The following PSD2 variants were observed in gnomAD, a reference collection of about 807,000 sequenced individuals.
PSD2 encodes PH and SEC7 domain-containing protein 2.
PSD2 carries 38 observed loss-of-function variants against 69.8 expected under a neutral mutation model. The ratio of observed to expected loss-of-function variants is 0.54; its 90% confidence interval spans 0.42 to 0.71. The LOEUF is 0.71. PSD2 is among the 30% of genes least tolerant of loss of function. The pLI, the probability that PSD2 is intolerant of heterozygous loss-of-function variation, is 0.00. For synonymous variants in PSD2, 412 were observed against 423.0 expected (o/e 0.97, Z 0.32); for missense variants, 943 against 1,014.5 (o/e 0.93, Z 0.96).
chr5:139,835,842 A>G (rs1467986944), intron 9 of PSD2, 76 bp downstream of exon 9: 2 of 1,387,894 alleles, frequency 1.4e-6, no homozygotes, highest in Admixed American at 3.4e-5. Flanking sequence ...CAGGTCCGAC[A>G]TTCTGACCAC....
intron 1 of PSD2, among the ~76,000 whole-genome samples, chr5:139,800,390 C>T (rs931275287): frequency 6.6e-5 from 10 of 152,214 alleles, no homozygotes; most frequent in African/African-American, 2.2e-4. Flanking sequence ...CTGAAGTTGT[C>T]GCCTCTCCCA....
At chr5:139,787,607 G>A in the PSD2 span, among the ~76,000 whole-genome samples, 2 of 152,188 alleles carry the variant, frequency 1.3e-5, no homozygotes, top group African/African-American at 4.8e-5. Context: ...GGTGCCGCGG[G>A]TGCAGTTTCC....
the PSD2 span, among the ~76,000 whole-genome samples, chr5:139,754,117 T>C: frequency 2.6e-5 from 4 of 151,328 alleles, no homozygotes; most frequent in South Asian, 8.6e-4. Flanking sequence ...ATTACAGGCA[T>C]GAGCCACTGC....
At chr5:139,789,863 T>C in the PSD2 span, among the ~76,000 whole-genome samples, 13 of 150,458 alleles carry the variant, frequency 8.6e-5, no homozygotes, top group Non-Finnish European at 1.9e-4. Flanking sequence ...GAGATGTGGA[T>C]GAAGGAGGGG....
At chr5:139,767,504 G>A in the PSD2 span, among the ~76,000 whole-genome samples, 5 of 151,756 alleles carry the variant, frequency 3.3e-5, no homozygotes, top group East Asian at 1.9e-4. Context: ...TAGTAGAGAC[G>A]GGGTTTCCCC....
intron 7 of PSD2, among the ~76,000 whole-genome samples, chr5:139,831,391 G>A (rs764481036): frequency 2.0e-5 from 3 of 152,050 alleles, no homozygotes; most frequent in Non-Finnish European, 4.4e-5. Flanking sequence ...AACATTTAAT[G>A]AATTATGATA....
chr5:139,825,533 G>A (rs1271598124), intron 7 of PSD2, among the ~76,000 whole-genome samples: 1 of 152,174 alleles, frequency 6.6e-6, no homozygotes, highest in Non-Finnish European at 1.5e-5. Context: ...GGTAGCGTGG[G>A]TAGAAGGGAC....
At chr5:139,774,127 G>T in the PSD2 span, among the ~76,000 whole-genome samples, 5 of 148,538 alleles carry the variant, frequency 3.4e-5, no homozygotes, top group Non-Finnish European at 7.5e-5. Context: ...ACTCGGTCTC[G>T]TTTTTTTTTT....
At chr5:139,766,930 CTTCT>C in the PSD2 span, among the ~76,000 whole-genome samples, 1,470 of 43,850 alleles carry the variant, frequency 0.034, 23 homozygotes, top group Middle Eastern at 0.06. Context: ...CCTTCCTTCC[CTTCT>C]TTCTTTCTTT....
At position 139,813,393 on chromosome 5, in the gene PSD2, C is replaced by T. The variant is rs1435897191; in HGVS notation, c.456C>T (p.Gly152=). 1.2e-6 allele frequency: 2 copies of T among 1,608,466 alleles called. No individual in the cohort carries two copies. Among genetic ancestry groups the T allele is most frequent in the Admixed American group, 3.3e-5 (2 of 59,860 alleles). ...EKILESELLR[G]TQYSSLDSLD... is the part of the protein sequence containing the mutation. ...TTCTGGAGTCAGAGCTGCTGCGGGG[C>T]ACCCAGTACAGCAGCCTCGACTCCC... The change falls in exon 3 of 15, where the codon GGC becomes GGT. Residue 152 remains glycine (G), a synonymous_variant. Transcript: ENST00000274710.
At chr5:139,792,932 TC>T (rs1759445702), upstream of PSD2, among the ~76,000 whole-genome samples, 1 of 150,670 alleles carries the variant, frequency 6.6e-6, no homozygotes, top group Non-Finnish European at 1.5e-5. Flanking sequence ...TTTCTTTCTT[TC>T]TTTCTGTCTT....
At chr5:139,803,348 GTGC>G (rs1352273900) in intron 1 of PSD2, among the ~76,000 whole-genome samples, 1 of 152,250 alleles carries the variant, frequency 6.6e-6, no homozygotes, top group Admixed American at 6.5e-5. Flanking sequence ...TGAGTGGCCT[GTGC>G]TGTGTGCTGC....
At chr5:139,759,852 C>G in the PSD2 span, among the ~76,000 whole-genome samples, 1 of 152,254 alleles carries the variant, frequency 6.6e-6, no homozygotes, top group Non-Finnish European at 1.5e-5. Context: ...TCAAGCCTGT[C>G]AGCCCTGCTG....
the PSD2 span, among the ~76,000 whole-genome samples, chr5:139,759,409 G>C: frequency 0.87 from 132,716 of 151,858 alleles, 58,217 homozygotes; most frequent in South Asian, 0.93. Context: ...TGCTGCCCCC[G>C]ATCGCGGTCA....
chr5:139,747,698 C>G, the PSD2 span, among the ~76,000 whole-genome samples: 1 of 152,232 alleles, frequency 6.6e-6, no homozygotes, highest in African/African-American at 2.4e-5. This position sits in a 1 kb window ranked among gnomAD's most constrained non-coding sequence, Gnocchi z 6.7. Flanking sequence ...GGCCTCACGC[C>G]GTCAGACCCA....
At chr5:139,789,939 T>C in the PSD2 span, among the ~76,000 whole-genome samples, 3 of 142,036 alleles carry the variant, frequency 2.1e-5, no homozygotes, top group Admixed American at 2.1e-4. Flanking sequence ...AAGTGAGGGG[T>C]GGGCGGTGCG....
At chr5:139,748,488 C>T in the PSD2 span, among the ~76,000 whole-genome samples, 1 of 152,222 alleles carries the variant, frequency 6.6e-6, no homozygotes, top group African/African-American at 2.4e-5. Flanking sequence ...CCACCACTAC[C>T]ACCCCCAAAC....
the PSD2 span, among the ~76,000 whole-genome samples, chr5:139,775,126 A>G: frequency 6.6e-6 from 1 of 152,230 alleles, no homozygotes; most frequent in South Asian, 2.1e-4. Context: ...AGGTGAGGCT[A>G]GACTCCAAGA....
rs1760923443 is a variant in PSD2 at position 139,843,342 on chromosome 5, T to A, written c.*868T>A. ...TCCCTCTTCCAGCTGACCTGTGACT[T>A]ATACTGCTCTTACCGATGATACTTT... is the stretch of plus-strand genomic sequence containing the variant. On this transcript the variant is annotated 3_prime_UTR_variant, in exon 15 of 15. Coordinates refer to ENST00000274710, the MANE Select transcript of PSD2 (RefSeq NM_032289.4). 1 of 152,242 alleles carries A rather than the reference T, an allele frequency of 6.6e-6. No homozygotes were observed. Among genetic ancestry groups the A allele is most frequent in the Non-Finnish European group, 1.5e-5 (1 of 68,038 alleles). 9.4% of individuals were successfully genotyped at this position (152,242 alleles called of 1,614,324 possible). A position where few individuals can be genotyped will look rare whatever the true frequency, so the allele number is the denominator to read the frequency against.
Sources: gnomAD v4.1 joint callset for allele counts (sites outside exome capture counted in the v4.1 genomes callset) on GRCh38, gnomAD v4.1.1 for gene constraint, Gnocchi (gnomAD v3.1) non-coding constraint, MANE v1.5 for transcripts, NCBI Gene and HGNC (gene_info 2026-07-23, HGNC 2026-07-21) for gene names.